Variants in DNAJA4 observed in about 807,000 individuals in gnomAD.
DNAJA4 encodes dnaJ homolog subfamily A member 4.
Under a neutral mutation model 39.7 loss-of-function variants are expected in DNAJA4, and 32 were observed. The observed-to-expected ratio is 0.81, with a 90% CI of 0.61 to 1.08. The LOEUF is 1.08. Ranked by LOEUF, DNAJA4 falls within the 50% of genes least tolerant of loss-of-function variation. DNAJA4 has a pLI of 0.00. For missense variants in DNAJA4, 439 were observed against 505.1 expected, an observed-to-expected ratio of 0.87 and a Z score of 1.25; for synonymous variants, 184 against 182.4, an observed-to-expected ratio of 1.01 and a Z score of -0.07.
chr15:78,281,251 A>G lies in DNAJA4; in HGVS notation c.*791A>G, dbSNP rs2049646013. ...CTTTCCCACCAAAGTGCTTACTTGT[A>G]AAGAAAACTAAATCCTTCTGTGTCC... On this transcript the variant is annotated 3_prime_UTR_variant, in exon 7 of 7. Transcript: ENST00000394852. 1 of 152,654 alleles carries G rather than the reference A, an allele frequency of 6.6e-6. No individual in the cohort carries two copies. Among genetic ancestry groups the G allele is most frequent in the Admixed American group, 6.5e-5 (1 of 15,294 alleles). 9.5% of individuals were successfully genotyped at this position (152,654 alleles called of 1,614,324 possible).
chr15:78,282,109 A>T lies in DNAJA4; in HGVS notation c.*1649A>T, dbSNP rs976282409. 2.6e-5 allele frequency: 4 copies of T among 152,196 alleles called. No homozygotes were observed. Among genetic ancestry groups the T allele is most frequent in the African/African-American group, 9.7e-5 (4 of 41,430 alleles). The allele number at this position is 152,196 out of a possible 1,614,324, so 9.4% of individuals were successfully genotyped here. Reference sequence around the variant, plus strand: ...ACATTCAGCTCCTTCTTGTCATATAAAAGGAATTTGGAGGGTGTCGCTTAA... The same window carrying T: ...ACATTCAGCTCCTTCTTGTCATATATAAGGAATTTGGAGGGTGTCGCTTAA... On this transcript the variant is annotated 3_prime_UTR_variant, in exon 7 of 7. Transcript: ENST00000394852.
At chr15:78,269,092 T>C (rs1204375183) in intron 1 of DNAJA4, among the ~76,000 whole-genome samples, 2 of 152,104 alleles carry the variant, frequency 1.3e-5, no homozygotes, top group Non-Finnish European at 2.9e-5. Context: ...TGGCATAGAA[T>C]TGGGGTGGGG....
chr15:78,264,837 C>T lies in DNAJA4; in HGVS notation c.74C>T (p.Ala25Val), dbSNP rs553718680. The change falls in exon 1 of 7, where the codon GCC becomes GTC. Residue 25 changes from alanine (A) to valine (V), a missense_variant. By Grantham distance (64) the Ala-to-Val change is moderately conservative (BLOSUM62 0). Coordinates refer to ENST00000394852, the MANE Select transcript of DNAJA4 (RefSeq NM_001130182.2). The stretch of plus-strand genomic sequence containing the variant: ...GCGTCCCCGGAGGAGATCAAGAAGG[C>T]CTATCGGAAGCTGGCGCTCAAGTAC... The part of the protein sequence containing the change: ...PSASPEEIKK[A>V]YRKLALKYHP... The T allele has an allele frequency of 1.9e-6, 3 of 1,610,512 alleles. No individual in the cohort carries two copies. The African/African-American group carries it at 4.0e-5, about 22-fold the overall frequency.
Position 78,281,839 on chromosome 15 carries a change from C to G in DNAJA4, c.*1379C>G, listed in dbSNP as rs771634647. The G allele has an allele frequency of 6.6e-6, 1 of 152,226 alleles. No individual in the cohort carries two copies. The highest frequency in any genetic ancestry group is 2.4e-5 in the African/African-American group (1 of 41,446). 9.4% of individuals were successfully genotyped at this position (152,226 alleles called of 1,614,324 possible). ...AGACCATGCAGGTAAGGTGAACCAG[C>G]TGCACGGACCAGGTTCCCGCAAAAC... On this transcript the variant is annotated 3_prime_UTR_variant, in exon 7 of 7. Coordinates refer to ENST00000394852, the MANE Select transcript of DNAJA4 (RefSeq NM_001130182.2).
intron 1 of DNAJA4, chr15:78,265,866 C>T: frequency 1.7e-6 from 1 of 599,598 alleles, no homozygotes; most frequent in Non-Finnish European, 3.0e-6. Context: ...ACCCATGTAG[C>T]ATTTAAGACC....
In DNAJA4 at chr15:78,280,397, C is replaced by T. The variant is rs370351978; in HGVS notation, c.1131C>T (p.His377=). ...CCAATGAGCAGAACTGGCGTCAGCA[C>T]AGGGAGGCCTACGAGGAGGACGAAG... ...FCPNEQNWRQ[H]REAYEEDEDG... is the part of the protein sequence containing the mutation. The change falls in exon 7 of 7, where the codon CAC becomes CAT. Residue 377 remains histidine, a synonymous_variant. Transcript: ENST00000394852. The T allele has an allele frequency of 1.9e-6, 3 of 1,613,986 alleles. No homozygotes were observed. Among genetic ancestry groups the T allele is most frequent in the Non-Finnish European group, 2.5e-6 (3 of 1,180,040 alleles).
At chr15:78,268,165 G>A (rs894321120) in intron 1 of DNAJA4, among the ~76,000 whole-genome samples, 4 of 152,190 alleles carry the variant, frequency 2.6e-5, no homozygotes, top group Admixed American at 2.6e-4. Flanking sequence ...TATTTGGTGA[G>A]TGTTTCCGGT....
chr15:78,274,587 G>A (rs761716064), intron 4 of DNAJA4, 163 bp downstream of exon 4: 1 of 671,884 alleles, frequency 1.5e-6, no homozygotes. Flanking sequence ...CACCCTTCCT[G>A]GCCTTATTTC....
intron 5 of DNAJA4, 110 bp downstream of exon 5, chr15:78,275,838 G>A: frequency 1.3e-6 from 1 of 749,048 alleles, no homozygotes; most frequent in Non-Finnish European, 2.1e-6. Context: ...TATTGATGGG[G>A]TGCATGTGAT....
upstream of DNAJA4, chr15:78,264,218 A>T: frequency 4.5e-6 from 4 of 895,340 alleles, no homozygotes; most frequent in South Asian, 8.1e-5. Flanking sequence ...AGCCGGCTCC[A>T]CGGACCCACG....
Position 78,275,572 on chromosome 15 carries a change from A to G in DNAJA4, c.721A>G (p.Ile241Val), listed in dbSNP as rs1351905974. 1.9e-6 allele frequency: 3 copies of G among 1,614,100 alleles called. No individual in the cohort carries two copies. In the South Asian group the frequency reaches 3.3e-5, roughly 18 times the overall value. The change falls in exon 5 of 7, where the codon ATA (isoleucine) becomes GTA (valine). Residue 241 changes from isoleucine (I) to valine (V), a missense_variant. Physicochemically the swap from Ile to Val is conservative, Grantham distance 29. Transcript: ENST00000394852. Reference protein sequence around the residue: ...QEPELEPGDVIIVLDQKDHSV... With the variant: ...QEPELEPGDVVIVLDQKDHSV... ...GCCTGAGCTGGAGCCTGGTGATGTC[A>G]TAATTGTGCTTGATCAGAAGGATCA...
chr15:78,272,315 G>T (rs1051301309), intron 2 of DNAJA4, among the ~76,000 whole-genome samples: 1 of 152,082 alleles, frequency 6.6e-6, no homozygotes, highest in Non-Finnish European at 1.5e-5. Flanking sequence ...CCAGCCTGGG[G>T]ACAGAGCAAG....
intron 2 of DNAJA4, among the ~76,000 whole-genome samples, chr15:78,271,168 A>G (rs2049284734): frequency 6.6e-6 from 1 of 152,226 alleles, no homozygotes; most frequent in Non-Finnish European, 1.5e-5. Flanking sequence ...AACTCTTGGT[A>G]AATTTAGTAA....
chr15:78,280,969 A>C lies in DNAJA4; in HGVS notation c.*509A>C, dbSNP rs1229763559. The C allele has an allele frequency of 6.4e-6, 1 of 155,804 alleles. No homozygotes were observed. Among genetic ancestry groups the C allele is most frequent in the East Asian group, 1.9e-4 (1 of 5,254 alleles). 9.7% of individuals were successfully genotyped at this position (155,804 alleles called of 1,614,324 possible). On this transcript the variant is annotated 3_prime_UTR_variant, in exon 7 of 7. Coordinates refer to ENST00000394852, the MANE Select transcript of DNAJA4 (RefSeq NM_001130182.2). The stretch of plus-strand genomic sequence containing the variant: ...AGGATTCTAGATGATCCTCTTAAAG[A>C]ATAAAAGCACATCCGTGGATCGGAC...
chr15:78,268,172 C>T (rs756726137), intron 1 of DNAJA4, among the ~76,000 whole-genome samples: 2 of 152,110 alleles, frequency 1.3e-5, no homozygotes, highest in Non-Finnish European at 2.9e-5. Flanking sequence ...TGAGTGTTTC[C>T]GGTGGACGTT....
rs576755160 is a variant in DNAJA4 at position 78,278,433 on chromosome 15, A to C, written c.878-1612A>C. ...AGAATGTACTCACACAGACCTAGAT[A>C]GCATAGCCTGCTACACCCTAGGCTG... On this transcript the variant is annotated intron_variant, in intron 5 of 6. Transcript: ENST00000394852. The C allele has an allele frequency of 1.3e-5, 5 of 386,126 alleles. No homozygotes were observed. The East Asian group carries it at 3.6e-4, about 28-fold the overall frequency. 23.9% of individuals were successfully genotyped at this position (386,126 alleles called of 1,614,324 possible).
chr15:78,274,331 G>C lies in DNAJA4; in HGVS notation c.553G>C (p.Gly185Arg). ...CGTGTGCATCGAGTGCAAGGGCCAG[G>C]GTGAGCGCATCAACCCCAAGGACCG... ...QTVCIECKGQGERINPKDRCE... is the reference protein window; with the variant it reads ...QTVCIECKGQRERINPKDRCE... Residue 185 changes from glycine to arginine, a missense_variant, in exon 4 of 7, where the codon GGT becomes CGT. Gly to Arg is a moderately radical substitution (Grantham distance 125). Transcript: ENST00000394852. 6.2e-7 allele frequency: 1 copy of C among 1,614,206 alleles called. No homozygotes were observed. Among genetic ancestry groups the C allele is most frequent in the South Asian group, 1.1e-5 (1 of 91,080 alleles).
At chr15:78,274,168 C>T (rs748997864) in intron 3 of DNAJA4, 29 bp from the exon 4 acceptor site, 2 of 1,601,010 alleles carry the variant, frequency 1.2e-6, no homozygotes, top group South Asian at 1.1e-5. Flanking sequence ...AGAGCATGGC[C>T]CTCATTCCTG....
upstream of DNAJA4, chr15:78,264,554 G>T: frequency 8.2e-7 from 1 of 1,223,638 alleles, no homozygotes; most frequent in East Asian, 3.3e-5. Flanking sequence ...GGAGGAGCCG[G>T]TGGCTCTAGT....
Sources: allele counts gnomAD v4.1 joint callset (sites outside exome capture counted in the v4.1 genomes callset), GRCh38; gene constraint gnomAD v4.1.1; transcripts MANE v1.5; gene names NCBI Gene and HGNC (gene_info 2026-07-23, HGNC 2026-07-21).